PBX3: variants seen among roughly 807,000 people sequenced by gnomAD.
PBX3 encodes pre-B-cell leukemia transcription factor 3.
Under a neutral mutation model 48.5 loss-of-function variants are expected in PBX3, and 14 were observed. The observed-to-expected ratio is 0.29, with a 90% confidence interval of 0.19 to 0.45. PBX3 has a LOEUF of 0.45. Ranked by LOEUF, PBX3 falls within the 20% of genes least tolerant of loss-of-function variation. The probability of loss-of-function intolerance (pLI) is 1.00; values close to 1 mark genes in which losing one functional copy is unlikely to be tolerated. For missense variants in PBX3, 386 were observed against 546.7 expected (o/e 0.71, Z 2.93); for synonymous variants, 210 against 200.3 (o/e 1.05, Z -0.41).
At chr9:125,923,964 A>G (rs1291457074) in intron 3 of PBX3, among the ~76,000 whole-genome samples, 1 of 152,072 alleles carries the variant, frequency 6.6e-6, no homozygotes, top group Non-Finnish European at 1.5e-5. Context: ...TTCTGGGCTC[A>G]AGTGATCCTC....
In PBX3 at chr9:125,918,540, C is replaced by A. The variant is rs75776448; in HGVS notation, c.516+2613C>A. On this transcript the variant is annotated intron_variant, in intron 3 of 8. Coordinates refer to ENST00000373489, the MANE Select transcript of PBX3 (RefSeq NM_006195.6). ...AATTATTTGTGGATATAATCAGTAG[C>A]CTAATAACGATCTAAATATATAGTT... Among the ~76,000 whole-genome samples the A allele has an allele frequency of 7.2e-5, 11 of 151,972 alleles. No homozygotes were observed. In the East Asian group the frequency reaches 2.1e-3, roughly 29 times the overall value.
chr9:125,940,194 A>G (rs1408899451), intron 5 of PBX3, among the ~76,000 whole-genome samples: 1 of 152,178 alleles, frequency 6.6e-6, no homozygotes, highest in African/African-American at 2.4e-5. Context: ...CAAAAAAAAA[A>G]AAGAAGAAAA....
intron 8 of PBX3, among the ~76,000 whole-genome samples, chr9:125,965,366 A>G (rs1363885835): frequency 4.6e-5 from 7 of 152,170 alleles, no homozygotes; most frequent in Non-Finnish European, 2.9e-5. Flanking sequence ...TCACTTTCCA[A>G]GGGTTACAGT....
At chr9:125,871,610 A>G (rs1033413596) in intron 2 of PBX3, among the ~76,000 whole-genome samples, 1 of 152,178 alleles carries the variant, frequency 6.6e-6, no homozygotes, top group Admixed American at 6.5e-5. Flanking sequence ...GAATGAAGCT[A>G]TAGTGTTAGG....
intron 2 of PBX3, among the ~76,000 whole-genome samples, chr9:125,836,435 ACT>A (rs1839138249): frequency 6.6e-6 from 1 of 151,870 alleles, no homozygotes; most frequent in Non-Finnish European, 1.5e-5. Context: ...ACAGAGCGAG[ACT>A]CTGTCTCAAA....
chr9:125,894,824 C>G (rs1399772538), intron 2 of PBX3, among the ~76,000 whole-genome samples: 1 of 152,044 alleles, frequency 6.6e-6, no homozygotes, highest in Non-Finnish European at 1.5e-5. Flanking sequence ...TATGAGACAG[C>G]TATAGCTTCG....
Position 125,759,256 on chromosome 9 carries a change from T to C in PBX3, c.274+10633T>C, listed in dbSNP as rs1028379431. ...TCTGCCCTAAATGCCTCAGTAAATA[T>C]ATGCTGGAGAACAGAAGCCTATTCA... On this transcript the variant is annotated intron_variant, in intron 2 of 8. Transcript: ENST00000373489. This position sits in a 1 kb window ranked among gnomAD's most constrained non-coding sequence, Gnocchi z 4.2. Among the ~76,000 whole-genome samples, 16 of 152,190 alleles carry C rather than the reference T, an allele frequency of 1.1e-4. No homozygotes were observed. Among genetic ancestry groups the C allele is most frequent in the African/African-American group, 3.1e-4 (13 of 41,448 alleles).
rs755617459 is a variant in PBX3 at position 125,915,798 on chromosome 9, G to A, written c.387G>A (p.Ser129=). 4 of 1,613,442 alleles carry A rather than the reference G, an allele frequency of 2.5e-6. No homozygotes were observed. Among genetic ancestry groups the A allele is most frequent in the African/African-American group, 1.3e-5 (1 of 74,952 alleles). The change falls in exon 3 of 9, where the codon TCG becomes TCA. Residue 129 remains serine (S), a synonymous_variant. Coordinates refer to ENST00000373489, the MANE Select transcript of PBX3 (RefSeq NM_006195.6). ...GVSGPEKGGG[S]AAAAAAAAAS... ...CAGGTCCTGAGAAAGGTGGGGGATC[G>A]GCGGCAGCAGCTGCAGCCGCGGCAG...
intron 5 of PBX3, among the ~76,000 whole-genome samples, chr9:125,958,329 C>G (rs145594489): frequency 6.6e-6 from 1 of 152,342 alleles, no homozygotes; most frequent in African/African-American, 2.4e-5. Flanking sequence ...CTTATATACT[C>G]TCCTAACTTC....
chr9:125,803,981 C>T (rs1838044995), intron 2 of PBX3, among the ~76,000 whole-genome samples: 2 of 152,196 alleles, frequency 1.3e-5, no homozygotes, highest in Non-Finnish European at 2.9e-5. Context: ...AAAAGAAGAG[C>T]AGGCTTTCTG....
At chr9:125,945,186 T>C (rs1588326043) in intron 5 of PBX3, among the ~76,000 whole-genome samples, 1 of 151,134 alleles carries the variant, frequency 6.6e-6, no homozygotes, top group South Asian at 2.1e-4. Flanking sequence ...ATTATGCCAG[T>C]GCACTCCAGC....
At position 125,800,750 on chromosome 9, in the gene PBX3, A is replaced by ATT. The variant is rs60068482; in HGVS notation, c.274+52146_274+52147dup. On this transcript the variant is annotated intron_variant, in intron 2 of 8. Coordinates refer to ENST00000373489, the MANE Select transcript of PBX3 (RefSeq NM_006195.6). ...ACACTAATCTGAGCGCTTGGAATTA[A>ATT]TTTTTTTTTTTTTTTTTTTTGAGAC... is the stretch of plus-strand genomic sequence containing the variant. Among the ~76,000 whole-genome samples, 312 of 133,096 alleles carry ATT rather than the reference A, an allele frequency of 2.3e-3. 3 individuals are homozygous for ATT. Among genetic ancestry groups the ATT allele is most frequent in the African/African-American group, 8.1e-3 (293 of 36,052 alleles). The allele number at this position is 133,096 out of a possible 152,430, so 87.3% of individuals were successfully genotyped here.
chr9:125,829,085 G>A (rs1011677860), intron 2 of PBX3, among the ~76,000 whole-genome samples: 1 of 152,166 alleles, frequency 6.6e-6, no homozygotes, highest in African/African-American at 2.4e-5. Flanking sequence ...CCAAATGCTT[G>A]TGTTGGAGCC....
chr9:125,853,073 A>G (rs1351250079), intron 2 of PBX3, among the ~76,000 whole-genome samples: 1 of 152,140 alleles, frequency 6.6e-6, no homozygotes, highest in Non-Finnish European at 1.5e-5. Flanking sequence ...TGGAGTCAGT[A>G]TCTGTATAAA....
chr9:125,858,538 T>A (rs1839780417), intron 2 of PBX3, among the ~76,000 whole-genome samples: 1 of 151,808 alleles, frequency 6.6e-6, no homozygotes, highest in Non-Finnish European at 1.5e-5. Flanking sequence ...TTTAAATGAA[T>A]GGGGTTCCAT....
chr9:125,846,496 G>T (rs887794442), intron 2 of PBX3, among the ~76,000 whole-genome samples: 20 of 151,940 alleles, frequency 1.3e-4, no homozygotes, highest in African/African-American at 4.6e-4. Flanking sequence ...CATGAAGATG[G>T]TTACCACTGC....
intron 1 of PBX3, among the ~76,000 whole-genome samples, chr9:125,747,992 C>T (rs1306998472): frequency 1.3e-5 from 2 of 151,566 alleles, no homozygotes; most frequent in African/African-American, 4.8e-5. Flanking sequence ...GGAAGTGTAA[C>T]TTTCTCCTCC....
chr9:125,751,159 T>G (rs1190664518), intron 2 of PBX3, among the ~76,000 whole-genome samples: 1 of 152,210 alleles, frequency 6.6e-6, no homozygotes, highest in Non-Finnish European at 1.5e-5. Context: ...TCTTTGTAAT[T>G]TAGAGAAAGT....
chr9:125,832,107 C>G (rs1387603626), intron 2 of PBX3, among the ~76,000 whole-genome samples: 1 of 151,848 alleles, frequency 6.6e-6, no homozygotes, highest in Non-Finnish European at 1.5e-5. Context: ...ATTTATATAT[C>G]TTTTATGACA....
Sources: gnomAD v4.1 joint callset for allele counts (sites outside exome capture counted in the v4.1 genomes callset) on GRCh38, gnomAD v4.1.1 for gene constraint, Gnocchi (gnomAD v3.1) non-coding constraint, MANE v1.5 for transcripts, NCBI Gene and HGNC (gene_info 2026-07-23, HGNC 2026-07-21) for gene names.